The following CTNNA3 variants were observed in gnomAD, a reference collection of about 807,000 sequenced individuals.
The protein encoded by CTNNA3 is catenin alpha 3.
CTNNA3 carries 76 observed loss-of-function variants against 95.7 expected under a neutral mutation model. The ratio of observed to expected loss-of-function variants is 0.79; its 90% CI spans 0.66 to 0.96. CTNNA3 has a LOEUF of 0.96. CTNNA3 is among the 40% of genes least tolerant of loss of function. The pLI is 0.00. For missense variants in CTNNA3, 1,191 were observed against 1,089.8 expected (o/e 1.09, Z -1.31); for synonymous variants, 431 against 374.4 (o/e 1.15, Z -1.74).
chr10:66,135,360 C>A (rs909994322), intron 13 of CTNNA3, among the ~76,000 whole-genome samples: 2 of 152,112 alleles, frequency 1.3e-5, no homozygotes, highest in East Asian at 3.9e-4. Flanking sequence ...TGACTAAAAA[C>A]ACAGAGAAGC....
At chr10:66,326,715 G>T (rs2092258853) in intron 12 of CTNNA3, among the ~76,000 whole-genome samples, 1 of 151,988 alleles carries the variant, frequency 6.6e-6, no homozygotes, top group Admixed American at 6.6e-5. Flanking sequence ...GGTAGCGGGA[G>T]ATCAGACCAG....
chr10:66,794,839 A>G (rs916441982), intron 7 of CTNNA3, among the ~76,000 whole-genome samples: 4 of 151,826 alleles, frequency 2.6e-5, no homozygotes, highest in Non-Finnish European at 4.4e-5. Flanking sequence ...TGTCATTTCC[A>G]CAGTGTTCAA....
At chr10:65,998,944 C>T (rs138286131) in intron 15 of CTNNA3, among the ~76,000 whole-genome samples, 1 of 152,124 alleles carries the variant, frequency 6.6e-6, no homozygotes, top group East Asian at 1.9e-4. Context: ...GCCCTTTTTC[C>T]CATGGTGCTT....
At position 67,473,013 on chromosome 10, in the gene CTNNA3, T is replaced by C. The variant is rs542373332; in HGVS notation, c.579+48829A>G. Among the ~76,000 whole-genome samples the C allele has an allele frequency of 2.5e-4, 38 of 152,356 alleles. No individual in the cohort carries two copies. In the East Asian group the frequency reaches 6.5e-3, roughly 26 times the overall value. On this transcript the variant is annotated intron_variant, in intron 5 of 17. Coordinates refer to ENST00000433211, the MANE Select transcript of CTNNA3 (RefSeq NM_013266.4). Reference sequence around the variant, plus strand: ...TACGTAAGGCAATCACTTGCTCATATGTTTCTCTCTCCTCCTATACCTAGT... The same window carrying C: ...TACGTAAGGCAATCACTTGCTCATACGTTTCTCTCTCCTCCTATACCTAGT...
chr10:65,920,625 GA>G lies in CTNNA3; in HGVS notation c.2401-9del. 1 of 1,592,486 alleles carries G rather than the reference GA, an allele frequency of 6.3e-7. No homozygotes were observed. Among genetic ancestry groups the G allele is most frequent in the African/African-American group, 1.4e-5 (1 of 73,634 alleles). Reference sequence around the variant, plus strand: ...GGATGTGACACTGTCCAACTGTAGGGAAAAAAGAGAAAAAAGAGCTATTATT... The same window carrying G: ...GGATGTGACACTGTCCAACTGTAGGGAAAAAGAGAAAAAAGAGCTATTATT... On this transcript the variant is annotated splice_polypyrimidine_tract_variant and intron_variant, in intron 17 of 17. Coordinates refer to ENST00000433211, the MANE Select transcript of CTNNA3 (RefSeq NM_013266.4).
At chr10:66,136,322 G>A (rs972746896) in intron 13 of CTNNA3, among the ~76,000 whole-genome samples, 1 of 152,164 alleles carries the variant, frequency 6.6e-6, no homozygotes, top group African/African-American at 2.4e-5. Flanking sequence ...TGTTTTGGTT[G>A]TTAAGTGATG....
intron 5 of CTNNA3, among the ~76,000 whole-genome samples, chr10:67,395,716 A>G (rs949991759): frequency 8.5e-5 from 13 of 152,224 alleles, no homozygotes; most frequent in African/African-American, 2.7e-4. Flanking sequence ...ATAACAACAT[A>G]TATTCTAAAT....
At chr10:67,552,764 GTGT>G (rs1165594011) in intron 3 of CTNNA3, among the ~76,000 whole-genome samples, 1 of 152,106 alleles carries the variant, frequency 6.6e-6, no homozygotes, top group Admixed American at 6.6e-5. Context: ...AGAACATGCA[GTGT>G]TTGGTTTTCT....
intron 3 of CTNNA3, among the ~76,000 whole-genome samples, chr10:67,587,566 T>G (rs1842674860): frequency 6.6e-6 from 1 of 152,220 alleles, no homozygotes; most frequent in Non-Finnish European, 1.5e-5. Context: ...AAGTTTCTGC[T>G]GAGAAGTCCA....
intron 7 of CTNNA3, among the ~76,000 whole-genome samples, chr10:66,891,531 T>C (rs1845269356): frequency 6.6e-6 from 1 of 152,168 alleles, no homozygotes; most frequent in Non-Finnish European, 1.5e-5. Context: ...GGATAATCAG[T>C]CAATTTGTTT....
intron 7 of CTNNA3, chr10:66,926,845 A>G (rs1589434732): frequency 7.8e-7 from 1 of 1,275,944 alleles, no homozygotes; most frequent in African/African-American, 1.5e-5. Flanking sequence ...AATGAAAAAT[A>G]TATGCCTATT....
At chr10:67,008,183 A>G (rs1017824286) in intron 7 of CTNNA3, among the ~76,000 whole-genome samples, 2 of 152,124 alleles carry the variant, frequency 1.3e-5, no homozygotes, top group Non-Finnish European at 2.9e-5. Context: ...GGAAAAACTT[A>G]TGCTTTAAAA....
intron 17 of CTNNA3, among the ~76,000 whole-genome samples, chr10:65,932,588 C>T (rs892322557): frequency 6.6e-6 from 1 of 152,032 alleles, no homozygotes; most frequent in Non-Finnish European, 1.5e-5. Flanking sequence ...TCCAAATCGC[C>T]GTAACTCCAA....
intron 12 of CTNNA3, among the ~76,000 whole-genome samples, chr10:66,297,462 T>C (rs1326021766): frequency 7.9e-5 from 12 of 152,200 alleles, no homozygotes; most frequent in African/African-American, 2.7e-4. Context: ...TAATTATATA[T>C]ATTAAAAGGT....
intron 5 of CTNNA3, among the ~76,000 whole-genome samples, chr10:67,343,537 T>C (rs1424540062): frequency 2.6e-5 from 4 of 152,170 alleles, no homozygotes; most frequent in African/African-American, 9.6e-5. Flanking sequence ...GGATTCCATT[T>C]TAATATTTTT....
chr10:66,621,298 C>T (rs1009752720), intron 10 of CTNNA3, among the ~76,000 whole-genome samples: 2 of 152,054 alleles, frequency 1.3e-5, no homozygotes, highest in African/African-American at 4.8e-5. Flanking sequence ...TTTTAAGAAT[C>T]GCCTTAGGAC....
chr10:67,433,035 G>A (rs1846166403), intron 5 of CTNNA3, among the ~76,000 whole-genome samples: 1 of 152,050 alleles, frequency 6.6e-6, no homozygotes, highest in Non-Finnish European at 1.5e-5. Context: ...CAACTTGGCT[G>A]TTTGGCACAA....
intron 10 of CTNNA3, among the ~76,000 whole-genome samples, chr10:66,617,089 A>T (rs1373201378): frequency 6.6e-6 from 1 of 152,006 alleles, no homozygotes; most frequent in East Asian, 1.9e-4. Flanking sequence ...AATGGTGAAT[A>T]AGGGAGATCA....
At position 67,683,939 on chromosome 10, in the gene CTNNA3, G is replaced by A. The variant is rs538146006; in HGVS notation, c.-6+12061C>T. ...GTCAGGAATGAAGCCGCAGACCCTCGTGGTGAGTATTACAGCTCATAAAGG... is the reference window on the plus strand; with the variant it reads ...GTCAGGAATGAAGCCGCAGACCCTCATGGTGAGTATTACAGCTCATAAAGG... On this transcript the variant is annotated intron_variant, in intron 1 of 17. Coordinates refer to ENST00000433211, the MANE Select transcript of CTNNA3 (RefSeq NM_013266.4). 1.1e-4 allele frequency among the ~76,000 whole-genome samples: 16 copies of A among 152,298 alleles called. No homozygotes were observed. The South Asian group carries it at 1.4e-3, about 14-fold the overall frequency.
Sources: allele counts gnomAD v4.1 joint callset (sites outside exome capture counted in the v4.1 genomes callset), GRCh38; gene constraint gnomAD v4.1.1; transcripts MANE v1.5; gene names NCBI Gene and HGNC (gene_info 2026-07-23, HGNC 2026-07-21).